GABRA5: variants seen among roughly 807,000 people sequenced by gnomAD.
GABRA5 encodes gamma-aminobutyric acid receptor subunit alpha-5.
GABRA5 carries 18 observed loss-of-function variants against 47.3 expected under a neutral mutation model. The ratio of observed to expected loss-of-function variants is 0.38; its 90% CI spans 0.26 to 0.56. The LOEUF is 0.56. Ranked by LOEUF, GABRA5 falls within the 20% of genes least tolerant of loss-of-function variation. The pLI is 0.71. For missense variants in GABRA5, 365 were observed against 599.3 expected (o/e 0.61, Z 4.08); for synonymous variants, 237 against 229.3 (o/e 1.03, Z -0.30).
At chr15:26,918,263 T>C (rs928253711) in intron 7 of GABRA5, among the ~76,000 whole-genome samples, 5 of 152,182 alleles carry the variant, frequency 3.3e-5, no homozygotes, top group Admixed American at 1.3e-4. Flanking sequence ...TTTGGCCCAT[T>C]GGTTGTACAA....
At chr15:26,905,331 C>T (rs1407064347) in intron 6 of GABRA5, among the ~76,000 whole-genome samples, 1 of 151,706 alleles carries the variant, frequency 6.6e-6, no homozygotes, top group Non-Finnish European at 1.5e-5. Context: ...CACCTCTGGG[C>T]TTCCATGGTT....
intron 3 of GABRA5, among the ~76,000 whole-genome samples, chr15:26,880,061 C>G (rs1174004722): frequency 6.6e-6 from 1 of 152,170 alleles, no homozygotes; most frequent in Non-Finnish European, 1.5e-5. Flanking sequence ...CTCTGTCCCC[C>G]CAGATACCAT....
intron 10 of GABRA5, among the ~76,000 whole-genome samples, chr15:26,945,281 A>G (rs1052030461): frequency 6.6e-6 from 1 of 152,214 alleles, no homozygotes; most frequent in Non-Finnish European, 1.5e-5. Flanking sequence ...GCGAGCGTGA[A>G]TACCACAGCC....
intron 6 of GABRA5, among the ~76,000 whole-genome samples, chr15:26,902,335 C>A (rs914162238): frequency 3.9e-5 from 6 of 151,978 alleles, no homozygotes; most frequent in African/African-American, 1.2e-4. Flanking sequence ...TCTTGTTTTT[C>A]CCCTAAATAT....
intron 6 of GABRA5, among the ~76,000 whole-genome samples, chr15:26,911,663 G>A (rs1360678676): frequency 1.3e-5 from 2 of 152,146 alleles, no homozygotes; most frequent in East Asian, 1.9e-4. Flanking sequence ...TTTCCCTGGG[G>A]TCTGCTCTGA....
At chr15:26,869,365 A>G (rs1046078532) in intron 3 of GABRA5, 31 bp downstream of exon 3, 19 of 1,329,776 alleles carry the variant, frequency 1.4e-5, no homozygotes, top group Non-Finnish European at 2.1e-5. Flanking sequence ...TTATTTTATG[A>G]TGTTAGGGAC....
At chr15:26,875,090 C>T (rs1406364144) in intron 3 of GABRA5, among the ~76,000 whole-genome samples, 1 of 152,222 alleles carries the variant, frequency 6.6e-6, no homozygotes, top group Non-Finnish European at 1.5e-5. Flanking sequence ...GATCACAAGG[C>T]TGGTATGAAG....
At chr15:26,926,250 A>G (rs960969531) in intron 7 of GABRA5, among the ~76,000 whole-genome samples, 1 of 152,070 alleles carries the variant, frequency 6.6e-6, no homozygotes, top group Admixed American at 6.6e-5. Flanking sequence ...TTTTCATCTG[A>G]CATCCAGAGA....
chr15:26,897,024 GAGATGT>G (rs1297275240), intron 6 of GABRA5, among the ~76,000 whole-genome samples: 6 of 128,104 alleles, frequency 4.7e-5, no homozygotes, highest in African/African-American at 8.3e-5. Context: ...TAGAGATGTA[GAGATGT>G]AGATTTTTAC....
At chr15:26,936,318 C>T (rs1247752097) in intron 7 of GABRA5, among the ~76,000 whole-genome samples, 1 of 152,122 alleles carries the variant, frequency 6.6e-6, no homozygotes, top group Non-Finnish European at 1.5e-5. Flanking sequence ...CTTTGGGCTC[C>T]TTTGCAAGCT....
chr15:26,938,743 G>A (rs1259265167), intron 8 of GABRA5, among the ~76,000 whole-genome samples: 2 of 152,212 alleles, frequency 1.3e-5, no homozygotes, highest in East Asian at 1.9e-4. Flanking sequence ...TTTGCACTGC[G>A]GGCCTGTCCA....
chr15:26,920,819 A>G (rs188750747), intron 7 of GABRA5, among the ~76,000 whole-genome samples: 1 of 152,294 alleles, frequency 6.6e-6, no homozygotes, highest in Admixed American at 6.5e-5. Context: ...AGCAGCTCCT[A>G]GGCATCTAGG....
At chr15:26,934,183 CAG>C (rs1429101037) in intron 7 of GABRA5, among the ~76,000 whole-genome samples, 11 of 142,232 alleles carry the variant, frequency 7.7e-5, no homozygotes, top group Admixed American at 7.6e-4. Flanking sequence ...ACCCGGGAAA[CAG>C]AGATTGCAGT....
Position 26,943,396 on chromosome 15 carries a change from C to T in GABRA5, c.1059C>T (p.Gly353=), listed in dbSNP as rs746347028. Reference sequence around the variant, plus strand: ...CCAAGAGAGGCTGGGCCTGGGATGGCAAAAAAGCCTTGGAAGCAGCCAAGA... The same window carrying T: ...CCAAGAGAGGCTGGGCCTGGGATGGTAAAAAAGCCTTGGAAGCAGCCAAGA... ...YFTKRGWAWD[G]KKALEAAKIK... Residue 353 remains glycine, a synonymous_variant, in exon 10 of 11, where the codon GGC becomes GGT. Transcript: ENST00000335625. 2 of 1,596,576 alleles carry T rather than the reference C, an allele frequency of 1.3e-6. No individual in the cohort carries two copies. Among genetic ancestry groups the T allele is most frequent in the Non-Finnish European group, 1.7e-6 (2 of 1,171,572 alleles).
Position 26,868,432 on chromosome 15 carries a change from C to G in GABRA5, c.-139-297C>G, listed in dbSNP as rs374560555. Among the ~76,000 whole-genome samples, 9 of 152,300 alleles carry G rather than the reference C, an allele frequency of 5.9e-5. No homozygotes were observed. The East Asian group carries it at 1.7e-3, about 29-fold the overall frequency. ...ATGCTTCTTTTCGAAGCATACTGTT[C>G]GGATGCCTGTGAGCACCTATTTGCG... On this transcript the variant is annotated intron_variant, in intron 1 of 10. Coordinates refer to ENST00000335625, the MANE Select transcript of GABRA5 (RefSeq NM_000810.4).
At chr15:26,882,849 A>G (rs1892767074) in intron 4 of GABRA5, among the ~76,000 whole-genome samples, 3 of 152,276 alleles carry the variant, frequency 2.0e-5, no homozygotes, top group Admixed American at 6.5e-5. Flanking sequence ...AGAGGAGGAA[A>G]TGGAAGCTCG....
intron 7 of GABRA5, among the ~76,000 whole-genome samples, chr15:26,921,046 A>T (rs898031385): frequency 1.3e-5 from 2 of 152,176 alleles, no homozygotes; most frequent in Non-Finnish European, 2.9e-5. Flanking sequence ...TATATTGTTG[A>T]ATTCAATTTG....
rs138480184 is a variant in GABRA5 at position 26,912,836 on chromosome 15, G to A, written c.498-1967G>A. ...AGGTGAAATCATAAGTGAAGTGGTC[G>A]ATGTTTATAATTATCTTCTTATTCT... On this transcript the variant is annotated intron_variant, in intron 6 of 10. Coordinates refer to ENST00000335625, the MANE Select transcript of GABRA5 (RefSeq NM_000810.4). Among the ~76,000 whole-genome samples, 985 of 152,278 alleles carry A rather than the reference G, an allele frequency of 6.5e-3. 10 individuals carry two copies. Among genetic ancestry groups the A allele is most frequent in the African/African-American group, 0.022 (932 of 41,566 alleles).
In GABRA5 at chr15:26,903,807, G is replaced by T. The variant is rs1053977656; in HGVS notation, c.498-10996G>T. On this transcript the variant is annotated intron_variant, in intron 6 of 10. Transcript: ENST00000335625. ...TGCTCGCTTTTTAACAGGATGTTTT[G>T]TTTTTTTTTCTTGTAAGTTTGTTTA... Among the ~76,000 whole-genome samples the T allele has an allele frequency of 6.7e-5, 10 of 149,590 alleles. No homozygotes were observed. In the East Asian group the frequency reaches 1.2e-3, roughly 18 times the overall value.
Sources: gnomAD v4.1 joint callset for allele counts (sites outside exome capture counted in the v4.1 genomes callset) on GRCh38, gnomAD v4.1.1 for gene constraint, MANE v1.5 for transcripts, NCBI Gene and HGNC (gene_info 2026-07-23, HGNC 2026-07-21) for gene names.